PDE1A: variants seen among roughly 807,000 people sequenced by gnomAD.
PDE1A encodes the protein phosphodiesterase 1A.
A neutral mutation model predicts 61.7 loss-of-function variants in PDE1A; 35 were observed. That is an observed-to-expected ratio of 0.57 (90% CI 0.43 to 0.75). PDE1A has a LOEUF of 0.75. Among genes scored for constraint, PDE1A ranks in the 30% least tolerant of loss-of-function variants. The pLI is 0.00. For missense variants in PDE1A, 597 were observed against 630.6 expected (o/e 0.95, Z 0.57); for synonymous variants, 232 against 213.2 (o/e 1.09, Z -0.77).
At chr2:182,417,580 T>C (rs1702998323) in intron 1 of PDE1A, among the ~76,000 whole-genome samples, 2 of 152,224 alleles carry the variant, frequency 1.3e-5, no homozygotes, top group Non-Finnish European at 2.9e-5. Flanking sequence ...CATTTATCCT[T>C]CTTCATATTC....
the PDE1A span, among the ~76,000 whole-genome samples, chr2:182,555,147 C>T: frequency 6.6e-6 from 1 of 152,198 alleles, no homozygotes; most frequent in Non-Finnish European, 1.5e-5. Context: ...AGTAAACATT[C>T]CCTGACTTCA....
the PDE1A span, among the ~76,000 whole-genome samples, chr2:182,611,211 A>G: frequency 1.3e-5 from 2 of 152,200 alleles, no homozygotes; most frequent in East Asian, 1.9e-4. Context: ...ATGCACTGCC[A>G]TTTGGAGGTG....
the PDE1A span, among the ~76,000 whole-genome samples, chr2:182,672,377 C>T: frequency 6.6e-6 from 1 of 152,204 alleles, no homozygotes; most frequent in African/African-American, 2.4e-5. Flanking sequence ...TTCACCAGCC[C>T]AATATTACAA....
chr2:182,699,230 G>A, the PDE1A span, among the ~76,000 whole-genome samples: 228 of 152,256 alleles, frequency 1.5e-3, 1 homozygote, highest in Middle Eastern at 3.4e-3. Context: ...GCAAAGCACC[G>A]CACTAATAAA....
the PDE1A span, among the ~76,000 whole-genome samples, chr2:182,675,478 G>T: frequency 6.6e-6 from 1 of 152,142 alleles, no homozygotes; most frequent in Non-Finnish European, 1.5e-5. Flanking sequence ...ACCCAATAAT[G>T]AGATTGCTGG....
At chr2:182,207,983 G>A (rs1687255999) in intron 7 of PDE1A, among the ~76,000 whole-genome samples, 1 of 152,218 alleles carries the variant, frequency 6.6e-6, no homozygotes, top group South Asian at 2.1e-4. Flanking sequence ...TAGTAATTGA[G>A]GCTTGGGAGC....
chr2:182,552,611 A>C, the PDE1A span, among the ~76,000 whole-genome samples: 72 of 152,128 alleles, frequency 4.7e-4, no homozygotes, highest in African/African-American at 1.6e-3. Flanking sequence ...ACCTTTAAAC[A>C]CGGGGCTTGC....
intron 1 of PDE1A, among the ~76,000 whole-genome samples, chr2:182,300,007 G>T (rs149802769): frequency 4.9e-4 from 75 of 152,288 alleles, no homozygotes; most frequent in African/African-American, 1.8e-3. Context: ...TAATTCAGGG[G>T]TGTATCACAT....
intron 7 of PDE1A, among the ~76,000 whole-genome samples, chr2:182,219,093 T>A (rs1223430393): frequency 6.6e-6 from 1 of 152,086 alleles, no homozygotes; most frequent in African/African-American, 2.4e-5. Flanking sequence ...ATGATTCTAG[T>A]TTTTTACTCT....
chr2:182,303,483 A>T (rs1407284258), intron 1 of PDE1A, among the ~76,000 whole-genome samples: 1 of 152,222 alleles, frequency 6.6e-6, no homozygotes, highest in Non-Finnish European at 1.5e-5. Context: ...CTGTAAACAG[A>T]TATGCTGTCA....
chr2:182,662,857 G>T, the PDE1A span, among the ~76,000 whole-genome samples: 1 of 152,136 alleles, frequency 6.6e-6, no homozygotes, highest in African/African-American at 2.4e-5. Context: ...AAGAGTTTCT[G>T]CACAGCAAAA....
the PDE1A span, among the ~76,000 whole-genome samples, chr2:182,572,712 T>C: frequency 6.6e-6 from 1 of 151,612 alleles, no homozygotes; most frequent in Non-Finnish European, 1.5e-5. Flanking sequence ...CTACTAAAAA[T>C]ACAAAAAATT....
chr2:182,174,111 G>C (rs1692503681), intron 13 of PDE1A, among the ~76,000 whole-genome samples: 1 of 152,050 alleles, frequency 6.6e-6, no homozygotes. Flanking sequence ...GTAGGTCTTT[G>C]AGAGTCACTG....
At chr2:182,220,122 G>A (rs1463677329) in intron 7 of PDE1A, among the ~76,000 whole-genome samples, 1 of 151,500 alleles carries the variant, frequency 6.6e-6, no homozygotes, top group Non-Finnish European at 1.5e-5. Flanking sequence ...GTCTTTAATA[G>A]CACATATTTC....
rs376861037 is a variant in PDE1A, at chr2:182,177,212, T to G, written c.1516+8680A>C. Among the ~76,000 whole-genome samples, 13 of 152,238 alleles carry G rather than the reference T, an allele frequency of 8.5e-5. No homozygotes were observed. The South Asian group carries it at 1.0e-3, about 12-fold the overall frequency. ...GATGCTGGCCTCATAAAATGAGTTATGGAGGATTCCCTCTTTTTCTATTGA... is the reference window on the plus strand; with the variant it reads ...GATGCTGGCCTCATAAAATGAGTTAGGGAGGATTCCCTCTTTTTCTATTGA... On this transcript the variant is annotated intron_variant, in intron 13 of 13. Coordinates refer to ENST00000351439, the Ensembl canonical transcript of PDE1A.
chr2:182,337,171 A>G (rs975265800), intron 1 of PDE1A, among the ~76,000 whole-genome samples: 1 of 152,172 alleles, frequency 6.6e-6, no homozygotes, highest in African/African-American at 2.4e-5. Flanking sequence ...TTATATGTAC[A>G]GTGTGAAGTG....
chr2:182,225,133 G>A (rs150960862), intron 6 of PDE1A, among the ~76,000 whole-genome samples: 5 of 151,862 alleles, frequency 3.3e-5, no homozygotes, highest in Admixed American at 2.0e-4. Context: ...GCTGGAAAAA[G>A]GCTGATAGTT....
intron 6 of PDE1A, among the ~76,000 whole-genome samples, chr2:182,226,007 C>G (rs1452429723): frequency 2.0e-5 from 3 of 149,610 alleles, no homozygotes; most frequent in African/African-American, 7.6e-5. Context: ...CCCAATGAAA[C>G]TATGGAACTA....
At chr2:182,543,465 C>G in the PDE1A span, among the ~76,000 whole-genome samples, 1 of 152,082 alleles carries the variant, frequency 6.6e-6, no homozygotes, top group South Asian at 2.1e-4. Context: ...TTTGGGTAGT[C>G]CAACCCAGGG....
Sources: allele counts gnomAD v4.1 joint callset (sites outside exome capture counted in the v4.1 genomes callset), GRCh38; gene constraint gnomAD v4.1.1; transcripts MANE v1.5; gene names NCBI Gene and HGNC (gene_info 2026-07-23, HGNC 2026-07-21).